PCDHGB4: variants seen among roughly 807,000 people sequenced by gnomAD.
PCDHGB4 encodes protocadherin gamma subfamily B, 4.
PCDHGB4 carries 38 observed loss-of-function variants against 60.5 expected under a neutral mutation model. The observed-to-expected ratio is 0.63, with a 90% CI of 0.48 to 0.82. PCDHGB4 has a LOEUF of 0.82. Among genes scored for constraint, PCDHGB4 ranks in the 40% least tolerant of loss-of-function variants. The pLI is 0.00. For missense variants in PCDHGB4, 1,109 were observed against 1,209.6 expected, an observed-to-expected ratio of 0.92 and a Z score of 1.23; for synonymous variants, 456 against 509.7, an observed-to-expected ratio of 0.89 and a Z score of 1.42.
intron 1 of PCDHGB4, among the ~76,000 whole-genome samples, chr5:141,468,963 C>G (rs951670777): frequency 1.3e-5 from 2 of 150,940 alleles, no homozygotes; most frequent in Admixed American, 6.6e-5. Context: ...TTTTTTTTAC[C>G]TTAGGCTTTT....
At chr5:141,504,660 C>T (rs1002186811) in intron 2 of PCDHGB4, among the ~76,000 whole-genome samples, 8 of 101,980 alleles carry the variant, frequency 7.8e-5, no homozygotes, top group Admixed American at 5.7e-4. Flanking sequence ...TGTTTGAGGG[C>T]GGGGGGTGGG....
At chr5:141,399,464 C>G in intron 1 of PCDHGB4, 1 of 1,614,018 alleles carries the variant, frequency 6.2e-7, no homozygotes, top group Non-Finnish European at 8.5e-7. Flanking sequence ...GATAACGCTC[C>G]GGTTTTCCAC....
Position 141,389,211 on chromosome 5 carries a change from G to T in PCDHGB4, c.1327G>T (p.Val443Leu), listed in dbSNP as rs2091646577. The change falls in exon 1 of 4, where the codon GTA becomes TTA. Residue 443 changes from valine to leucine, a missense_variant. By Grantham distance (32) the Val-to-Leu change is conservative. Transcript: ENST00000519479. Reference protein sequence around the residue: ...SSSITLHIGDVNDNAPVFSQS... With the variant: ...SSSITLHIGDLNDNAPVFSQS... ...CAGCATCACCCTGCACATTGGTGAT[G>T]TAAATGACAACGCTCCGGTTTTCTC... 6.2e-7 allele frequency: 1 copy of T among 1,613,940 alleles called. No individual in the cohort carries two copies. The highest frequency in any genetic ancestry group is 1.7e-5 in the Admixed American group (1 of 60,014).
At chr5:141,420,907 C>G (rs916293573) in intron 1 of PCDHGB4, 3 of 301,914 alleles carry the variant, frequency 9.9e-6, no homozygotes, top group Admixed American at 4.6e-5. Context: ...TCTACAAATA[C>G]GTGTGATTCA....
intron 1 of PCDHGB4, chr5:141,413,678 T>G (rs201325660): frequency 5.6e-6 from 9 of 1,613,632 alleles, no homozygotes; most frequent in Non-Finnish European, 7.6e-6. Flanking sequence ...GATGTGGGCG[T>G]GAACTCCCTG....
At chr5:141,409,148 A>C (rs2154541051) in intron 1 of PCDHGB4, 1 of 1,614,056 alleles carries the variant, frequency 6.2e-7, no homozygotes. Context: ...AGAAAGGTAC[A>C]CCATGGAAGT....
At chr5:141,393,442 T>G (rs932289283) in intron 1 of PCDHGB4, 3 of 1,614,056 alleles carry the variant, frequency 1.9e-6, no homozygotes, top group Non-Finnish European at 2.5e-6. Context: ...GCTCACCACC[T>G]GGTCCTCACG....
Position 141,490,703 on chromosome 5 carries a change from G to GCCT in PCDHGB4, c.2398-4102_2398-4100dup. 6.2e-7 allele frequency: 1 copy of GCCT among 1,614,110 alleles called. No individual in the cohort carries two copies. The highest frequency in any genetic ancestry group is 8.5e-7 in the Non-Finnish European group (1 of 1,180,000). Reference sequence around the variant, plus strand: ...GATCCAGACACTGGGGATAATGCCCGCCTCACCTACTCCATTGTAGGAAAT... The same window carrying GCCT: ...GATCCAGACACTGGGGATAATGCCCGCCTCCTCACCTACTCCATTGTAGGAAAT... On this transcript the variant is annotated intron_variant, in intron 1 of 3. Transcript: ENST00000519479. This position sits in a 1 kb window ranked among gnomAD's most constrained non-coding sequence, Gnocchi z 5.4.
rs1189175823 is a variant in PCDHGB4 at position 141,422,087 on chromosome 5, G to T, written c.2397+31806G>T. 2 of 1,611,966 alleles carry T rather than the reference G, an allele frequency of 1.2e-6. No individual in the cohort carries two copies. ...ATGTATTCATTTCGGAACATGGAAA[G>T]CAAGGCTTCTGAAATATTCCAATTG... is the stretch of plus-strand genomic sequence containing the variant. On this transcript the variant is annotated intron_variant, in intron 1 of 3. Transcript: ENST00000519479.
In PCDHGB4 at chr5:141,408,993, T is replaced by G. The variant is rs1258002192; in HGVS notation, c.2397+18712T>G. The G allele has an allele frequency of 1.2e-6, 2 of 1,613,814 alleles. No homozygotes were observed. The highest frequency in any genetic ancestry group is 2.7e-5 in the African/African-American group (2 of 74,912). On this transcript the variant is annotated intron_variant, in intron 1 of 3. Transcript: ENST00000519479. Reference sequence around the variant, plus strand: ...CCCCCTGGGTCCCCTGTGTTGCAAGTGACAGCCACTGACCAGGATGAGGGG... The same window carrying G: ...CCCCCTGGGTCCCCTGTGTTGCAAGGGACAGCCACTGACCAGGATGAGGGG...
chr5:141,498,273 A>G (rs1595516143), intron 2 of PCDHGB4, among the ~76,000 whole-genome samples: 1 of 152,038 alleles, frequency 6.6e-6, no homozygotes, highest in East Asian at 1.9e-4. Flanking sequence ...TCTTCAGTAA[A>G]CTTGGTTCAA....
At chr5:141,403,891 A>T (rs779525294) in intron 1 of PCDHGB4, 17 of 1,613,752 alleles carry the variant, frequency 1.1e-5, no homozygotes, top group Admixed American at 1.0e-4. Flanking sequence ...AAGAATGTTC[A>T]TTTTATGAAA....
rs1271891195 is a variant in PCDHGB4, at chr5:141,477,108, C to A, written c.2398-17699C>A. The A allele has an allele frequency of 2.5e-6, 4 of 1,614,232 alleles. No individual in the cohort carries two copies. Among genetic ancestry groups the A allele is most frequent in the Non-Finnish European group, 2.5e-6 (3 of 1,180,046 alleles). ...CAGGCCAAAGACAAGGGCGCCAATCCCGAAGGAGCACATTGCAAAGTGTTG... is the reference window on the plus strand; with the variant it reads ...CAGGCCAAAGACAAGGGCGCCAATCACGAAGGAGCACATTGCAAAGTGTTG... On this transcript the variant is annotated intron_variant, in intron 1 of 3. Coordinates refer to ENST00000519479, the MANE Select transcript of PCDHGB4 (RefSeq NM_003736.4). The surrounding 1 kb of genome is among the most constrained non-coding windows in gnomAD (Gnocchi z 4.9).
At position 141,431,098 on chromosome 5, in the gene PCDHGB4, A is replaced by G; in HGVS notation, c.2397+40817A>G. The G allele has an allele frequency of 6.2e-7, 1 of 1,614,260 alleles. No homozygotes were observed. The highest frequency in any genetic ancestry group is 8.5e-7 in the Non-Finnish European group (1 of 1,180,040). On this transcript the variant is annotated intron_variant, in intron 1 of 3. Transcript: ENST00000519479. This position sits in a 1 kb window ranked among gnomAD's most constrained non-coding sequence, Gnocchi z 4.8. ...ATCTAGACATTCTGATGGAGGATAA[A>G]GTGAAAATATATGGAGTAGAAGTAG...
intron 1 of PCDHGB4, chr5:141,400,754 C>G: frequency 1.7e-6 from 1 of 589,004 alleles, no homozygotes. Context: ...TTAGCTTCCT[C>G]TCTAGCAAAA....
In PCDHGB4 at chr5:141,490,795, C is replaced by A; in HGVS notation, c.2398-4012C>A. The A allele has an allele frequency of 1.3e-5, 21 of 1,614,036 alleles. No homozygotes were observed. Among genetic ancestry groups the A allele is most frequent in the Non-Finnish European group, 1.8e-5 (21 of 1,179,922 alleles). On this transcript the variant is annotated intron_variant, in intron 1 of 3. Coordinates refer to ENST00000519479, the MANE Select transcript of PCDHGB4 (RefSeq NM_003736.4). This position sits in a 1 kb window ranked among gnomAD's most constrained non-coding sequence, Gnocchi z 5.4. ...CCCAGAGGATGGACGGATCTTTGCC[C>A]AGCGTACCTTTGACTATGAATTGCT...
In PCDHGB4 at chr5:141,485,066, G is replaced by A. The variant is rs907517904; in HGVS notation, c.2398-9741G>A. On this transcript the variant is annotated intron_variant, in intron 1 of 3. Coordinates refer to ENST00000519479, the MANE Select transcript of PCDHGB4 (RefSeq NM_003736.4). This position sits in a 1 kb window ranked among gnomAD's most constrained non-coding sequence, Gnocchi z 5.7. Reference sequence around the variant, plus strand: ...GCGGCGCCGGCCGAACCGCGCCAGAGCTGGCGCGGGGAAAGGGAGATAGGT... The same window carrying A: ...GCGGCGCCGGCCGAACCGCGCCAGAACTGGCGCGGGGAAAGGGAGATAGGT... 1 of 885,622 alleles carries A rather than the reference G, an allele frequency of 1.1e-6. No individual in the cohort carries two copies. Among genetic ancestry groups the A allele is most frequent in the Non-Finnish European group, 1.8e-6 (1 of 559,820 alleles). 54.9% of individuals were successfully genotyped at this position (885,622 alleles called of 1,614,324 possible).
At chr5:141,498,921 AG>A (rs1289139995) in intron 2 of PCDHGB4, among the ~76,000 whole-genome samples, 1 of 140,074 alleles carries the variant, frequency 7.1e-6, no homozygotes, top group Non-Finnish European at 1.6e-5. Flanking sequence ...TGACAGAGCG[AG>A]ACTCCATCAG....
At position 141,390,162 on chromosome 5, in the gene PCDHGB4, A is replaced by G; in HGVS notation, c.2278A>G (p.Thr760Ala). 6.2e-7 allele frequency: 1 copy of G among 1,614,024 alleles called. No homozygotes were observed. Among genetic ancestry groups the G allele is most frequent in the African/African-American group, 1.3e-5 (1 of 75,044 alleles). Residue 760 changes from threonine to alanine, a missense_variant, in exon 1 of 4, where the codon ACG becomes GCG. Thr to Ala is a moderately conservative substitution (Grantham distance 58). Coordinates refer to ENST00000519479, the MANE Select transcript of PCDHGB4 (RefSeq NM_003736.4). ...TCTATGTGTTGCACATACAGGAAAG[A>G]CGGAGTTTAATTTCCTAAAATGTAG... ...YNLCVAHTGK[T>A]EFNFLKCSEQ...
Sources: gnomAD v4.1 joint callset for allele counts (sites outside exome capture counted in the v4.1 genomes callset) on GRCh38, gnomAD v4.1.1 for gene constraint, Gnocchi (gnomAD v3.1) non-coding constraint, MANE v1.5 for transcripts, NCBI Gene and HGNC (gene_info 2026-07-23, HGNC 2026-07-21) for gene names.